The following ZHX2 variants were observed in gnomAD, a reference collection of about 807,000 sequenced individuals.
The protein encoded by ZHX2 is zinc fingers and homeoboxes protein 2.
A neutral mutation model predicts 21.9 loss-of-function variants in ZHX2; 6 were observed. The observed-to-expected ratio is 0.27, with a 90% CI of 0.15 to 0.54. ZHX2 has a LOEUF of 0.54. Ranked by LOEUF, ZHX2 falls within the 20% of genes least tolerant of loss-of-function variation. The pLI is 0.95. For missense variants in ZHX2, 908 were observed against 1,090.7 expected, an observed-to-expected ratio of 0.83 and a Z score of 2.36; for synonymous variants, 434 against 437.1, an observed-to-expected ratio of 0.99 and a Z score of 0.09.
intron 2 of ZHX2, among the ~76,000 whole-genome samples, chr8:122,905,652 A>G (rs991146000): frequency 6.6e-6 from 1 of 152,206 alleles, no homozygotes; most frequent in African/African-American, 2.4e-5. Context: ...AAAAAGGAAA[A>G]CAGTCTGAGT....
intron 2 of ZHX2, among the ~76,000 whole-genome samples, chr8:122,940,330 T>C (rs1240169981): frequency 1.3e-5 from 2 of 152,152 alleles, no homozygotes; most frequent in Non-Finnish European, 2.9e-5. Flanking sequence ...ATTCATTGGT[T>C]TGGAGTAAAT....
chr8:122,839,917 T>A (rs1057112247), intron 1 of ZHX2, among the ~76,000 whole-genome samples: 12 of 152,170 alleles, frequency 7.9e-5, no homozygotes, highest in African/African-American at 2.9e-4. Context: ...CTGAGCTAGA[T>A]CTGTGAGTGG....
intron 2 of ZHX2, among the ~76,000 whole-genome samples, chr8:122,945,515 G>C (rs77737689): frequency 1.3e-5 from 2 of 148,812 alleles, no homozygotes; most frequent in East Asian, 4.0e-4. Flanking sequence ...GTCTCATTAT[G>C]GTTAGGGTTT....
intron 1 of ZHX2, among the ~76,000 whole-genome samples, chr8:122,789,218 C>G (rs985936122): frequency 6.6e-6 from 1 of 152,194 alleles, no homozygotes; most frequent in African/African-American, 2.4e-5. Flanking sequence ...TAATTGGGAG[C>G]CTTTGAATCA....
chr8:122,807,976 A>C (rs1198650674), intron 1 of ZHX2: 1 of 152,194 alleles, frequency 6.6e-6, no homozygotes, highest in Non-Finnish European at 1.5e-5. Flanking sequence ...AGATATTGCA[A>C]CTTGTCCAAG....
At chr8:122,842,323 C>G (rs891314135) in intron 1 of ZHX2, among the ~76,000 whole-genome samples, 4 of 152,228 alleles carry the variant, frequency 2.6e-5, no homozygotes, top group Non-Finnish European at 5.9e-5. Flanking sequence ...CTACTTCCTA[C>G]CACATCCATC....
At chr8:122,876,422 T>C (rs1819573900) in intron 2 of ZHX2, among the ~76,000 whole-genome samples, 1 of 152,204 alleles carries the variant, frequency 6.6e-6, no homozygotes, top group Non-Finnish European at 1.5e-5. Flanking sequence ...ATGAAAATTA[T>C]GCTCCTGACA....
chr8:122,786,184 G>C (rs1385545905), intron 1 of ZHX2, among the ~76,000 whole-genome samples: 4 of 152,178 alleles, frequency 2.6e-5, no homozygotes, highest in Non-Finnish European at 4.4e-5. Context: ...GACTGGAAAA[G>C]CTGGAAGGGG....
At chr8:122,816,619 A>C (rs953138002) in intron 1 of ZHX2, 1 of 131,436 alleles carries the variant, frequency 7.6e-6, no homozygotes, top group Non-Finnish European at 1.8e-5. Context: ...ATTTTTATTT[A>C]GTTATTCTTT....
At chr8:122,948,829 G>A (rs908436136) in intron 2 of ZHX2, among the ~76,000 whole-genome samples, 3 of 152,048 alleles carry the variant, frequency 2.0e-5, no homozygotes. Flanking sequence ...TACCAGATGA[G>A]TTAAATGCAA....
At chr8:122,861,094 G>C (rs1819157223) in intron 1 of ZHX2, among the ~76,000 whole-genome samples, 1 of 148,792 alleles carries the variant, frequency 6.7e-6, no homozygotes, top group Admixed American at 6.7e-5. Context: ...CATGGCCTTT[G>C]CACAAATATC....
At chr8:122,934,810 T>C (rs1240532056) in intron 2 of ZHX2, among the ~76,000 whole-genome samples, 9 of 151,846 alleles carry the variant, frequency 5.9e-5, no homozygotes, top group Non-Finnish European at 8.8e-5. Flanking sequence ...TGTCTCAGCC[T>C]CCCAAGTACC....
intron 2 of ZHX2, among the ~76,000 whole-genome samples, chr8:122,914,244 C>A (rs1171817258): frequency 6.6e-6 from 1 of 152,184 alleles, no homozygotes; most frequent in East Asian, 1.9e-4. Flanking sequence ...TCCTGGCAGC[C>A]CATGCTCTGC....
intron 2 of ZHX2, among the ~76,000 whole-genome samples, chr8:122,891,298 G>T: frequency 6.7e-6 from 1 of 149,496 alleles, no homozygotes; most frequent in South Asian, 2.1e-4. Flanking sequence ...GTGTGTGTGT[G>T]TGTGTGTGTG....
At chr8:122,831,763 G>GT (rs1429186078) in intron 1 of ZHX2, among the ~76,000 whole-genome samples, 1 of 152,170 alleles carries the variant, frequency 6.6e-6, no homozygotes, top group Admixed American at 6.5e-5. Context: ...TGGCAGGAGT[G>GT]TTTTTTGCAG....
intron 2 of ZHX2, among the ~76,000 whole-genome samples, chr8:122,868,696 G>T (rs1179321317): frequency 4.1e-4 from 25 of 60,502 alleles, no homozygotes; most frequent in African/African-American, 1.8e-3. Context: ...GCAAGACTCC[G>T]TCAAAAAAAA....
intron 2 of ZHX2, among the ~76,000 whole-genome samples, chr8:122,914,759 G>A (rs537850189): frequency 1.2e-4 from 18 of 152,264 alleles, no homozygotes; most frequent in African/African-American, 3.8e-4. Flanking sequence ...TTTGTTATCT[G>A]AGCTTTTTCA....
chr8:122,915,772 T>C (rs1373302797), intron 2 of ZHX2, among the ~76,000 whole-genome samples: 1 of 152,226 alleles, frequency 6.6e-6, no homozygotes, highest in Non-Finnish European at 1.5e-5. Flanking sequence ...GGAGTCTTAT[T>C]TTGTGATGGC....
intron 2 of ZHX2, among the ~76,000 whole-genome samples, chr8:122,895,436 C>T (rs1208945367): frequency 6.6e-6 from 1 of 152,212 alleles, no homozygotes; most frequent in African/African-American, 2.4e-5. Flanking sequence ...AGGATTATTT[C>T]CAGCATAATT....
Sources: gnomAD v4.1 joint callset for allele counts (sites outside exome capture counted in the v4.1 genomes callset) on GRCh38, gnomAD v4.1.1 for gene constraint, MANE v1.5 for transcripts, NCBI Gene and HGNC (gene_info 2026-07-23, HGNC 2026-07-21) for gene names.